The following SPTBN1 variants were observed in gnomAD, a reference collection of about 807,000 sequenced individuals.
SPTBN1 encodes spectrin beta, non-erythrocytic 1.
SPTBN1 carries 32 observed loss-of-function variants against 266.4 expected under a neutral mutation model. The observed-to-expected ratio is 0.12, with a 90% confidence interval of 0.09 to 0.16. The LOEUF is 0.16. Ranked by LOEUF, SPTBN1 falls within the 10% of genes least tolerant of loss-of-function variation. SPTBN1 has a pLI of 1.00. For missense variants in SPTBN1, 2,296 were observed against 3,067.1 expected (o/e 0.75, Z 5.94); for synonymous variants, 1,336 against 1,162.2 (o/e 1.15, Z -3.04).
At chr2:54,591,776 A>G (rs533702924) in intron 2 of SPTBN1, among the ~76,000 whole-genome samples, 2 of 152,306 alleles carry the variant, frequency 1.3e-5, no homozygotes, top group East Asian at 3.9e-4. Context: ...AATCATTTCC[A>G]TCATGCAGTG....
At chr2:54,486,987 T>G (rs1668431390) in intron 1 of SPTBN1, among the ~76,000 whole-genome samples, 1 of 152,126 alleles carries the variant, frequency 6.6e-6, no homozygotes, top group Admixed American at 6.5e-5. Flanking sequence ...CAAACGGCGC[T>G]GAGGACCAGT....
chr2:54,643,634 C>T (rs2104036578), intron 19 of SPTBN1, among the ~76,000 whole-genome samples: 1 of 152,208 alleles, frequency 6.6e-6, no homozygotes, highest in East Asian at 1.9e-4. Context: ...TCCCCCCCTT[C>T]CCCCCGACTT....
intron 2 of SPTBN1, chr2:54,529,603 C>T (rs1802889): frequency 0.7 from 498,225 of 712,730 alleles, 174,835 homozygotes; most frequent in African/African-American, 0.89. Context: ...CTGAGTTTGC[C>T]ATGAAGAAGA....
At chr2:54,582,100 G>A (rs1378340404) in intron 2 of SPTBN1, among the ~76,000 whole-genome samples, 1 of 152,142 alleles carries the variant, frequency 6.6e-6, no homozygotes, top group East Asian at 1.9e-4. Flanking sequence ...AAAGCCTTCA[G>A]CTGACACTGA....
At position 54,667,618 on chromosome 2, in the gene SPTBN1, A is replaced by G. The variant is rs879195142; in HGVS notation, c.6848A>G (p.Asn2283Ser). The G allele has an allele frequency of 1.7e-5, 27 of 1,613,882 alleles. No homozygotes were observed. The highest frequency in any genetic ancestry group is 2.7e-5 in the African/African-American group (2 of 74,922). The change falls in exon 35 of 36, where the codon AAT (asparagine) becomes AGT (serine). Residue 2283 changes from asparagine to serine, a missense_variant. Transcript: ENST00000356805. ...TGAAATTACAGACTAAATGATGGCA[A>G]TGAGTACCTCTTCCAAGCCAAAGAC... Reference protein sequence around the residue: ...HVFKLRLNDGNEYLFQAKDDE... With the variant: ...HVFKLRLNDGSEYLFQAKDDE...
chr2:54,474,818 C>G (rs558781216), intron 1 of SPTBN1, among the ~76,000 whole-genome samples: 1 of 152,068 alleles, frequency 6.6e-6, no homozygotes, highest in African/African-American at 2.4e-5. Context: ...TTTGTATTTT[C>G]TGCTGTTCTA....
chr2:54,632,704 C>T lies in SPTBN1; in HGVS notation c.3703C>T (p.Leu1235=). The change falls in exon 17 of 36, where the codon CTG becomes TTG. Residue 1235 remains leucine (L), a synonymous_variant. Transcript: ENST00000356805. ...TGCTGTGGTGGAGACTGGCCGGAGG[C>T]TGGTGAGCGATGGGAACATCAACTC... ...INAVVETGRR[L]VSDGNINSDR... 6.2e-7 allele frequency: 1 copy of T among 1,614,214 alleles called. No individual in the cohort carries two copies. The highest frequency in any genetic ancestry group is 1.1e-5 in the South Asian group (1 of 91,088).
intron 2 of SPTBN1, among the ~76,000 whole-genome samples, chr2:54,564,731 G>A (rs1346155717): frequency 6.6e-6 from 1 of 152,166 alleles, no homozygotes; most frequent in East Asian, 1.9e-4. Flanking sequence ...CATTCCAGGA[G>A]GTTGGGGAGG....
At position 54,512,186 on chromosome 2, in the gene SPTBN1, G is replaced by C. The variant is rs535392775; in HGVS notation, c.-47-14186G>C. Among the ~76,000 whole-genome samples the C allele has an allele frequency of 3.3e-5, 5 of 152,368 alleles. No individual in the cohort carries two copies. The South Asian group carries it at 8.3e-4, about 25-fold the overall frequency. ...GCTTGTCCGCTGCTCACCTTCTGCT[G>C]TGTGGCCTCGGGGTTGGGGACCCCT... On this transcript the variant is annotated intron_variant, in intron 1 of 35. Coordinates refer to ENST00000356805, the MANE Select transcript of SPTBN1 (RefSeq NM_003128.3).
At chr2:54,659,326 G>C in intron 31 of SPTBN1, 60 bp downstream of exon 31, 2 of 1,542,820 alleles carry the variant, frequency 1.3e-6, no homozygotes, top group Non-Finnish European at 1.8e-6. Flanking sequence ...GAGGTTTATG[G>C]GGCATCTTTC....
At position 54,670,800 on chromosome 2, in the gene SPTBN1, A is replaced by G. The variant is rs1221254323; in HGVS notation, c.*2231A>G. ...GGTGGTATTTGCTCTCTCTTGGTGC[A>G]TTTGATAAGGATCCACTGAGGCCTG... On this transcript the variant is annotated 3_prime_UTR_variant, in exon 36 of 36. Transcript: ENST00000356805. 3 of 398,482 alleles carry G rather than the reference A, an allele frequency of 7.5e-6. No individual in the cohort carries two copies. The highest frequency in any genetic ancestry group is 6.2e-5 in the African/African-American group (3 of 48,606). 24.7% of individuals were successfully genotyped at this position (398,482 alleles called of 1,614,324 possible). A position where few individuals can be genotyped will look rare whatever the true frequency, so the allele number is the denominator to read the frequency against.
At chr2:54,521,838 T>A (rs1453849847) in intron 1 of SPTBN1, among the ~76,000 whole-genome samples, 3 of 152,124 alleles carry the variant, frequency 2.0e-5, no homozygotes, top group African/African-American at 4.8e-5. Context: ...TTTATTTATT[T>A]ATTTTGTACA....
rs1023407329 is a variant in SPTBN1 at position 54,558,594 on chromosome 2, C to G, written c.148+32028C>G. 5.1e-6 allele frequency: 7 copies of G among 1,378,078 alleles called. No homozygotes were observed. In the African/African-American group the frequency reaches 9.0e-5, roughly 18 times the overall value. 85.4% of individuals were successfully genotyped at this position (1,378,078 alleles called of 1,614,324 possible). On this transcript the variant is annotated intron_variant, in intron 2 of 35. Transcript: ENST00000356805. The surrounding 1 kb of genome is among the most constrained non-coding windows in gnomAD (Gnocchi z 4.6). ...TAGATGCCTGTGTGGTAACTCCTCG[C>G]GGAGCTAAGGTGGACTCTCTTGCAG... is the stretch of plus-strand genomic sequence containing the variant.
chr2:54,591,541 C>G (rs1558876090), intron 2 of SPTBN1, among the ~76,000 whole-genome samples: 1 of 152,202 alleles, frequency 6.6e-6, no homozygotes, highest in Non-Finnish European at 1.5e-5. Flanking sequence ...AAGATTCCTT[C>G]TCTTAAGCCA....
rs1670815518 is a variant in SPTBN1 at position 54,526,376 on chromosome 2, C to G, written c.-43C>G. The G allele has an allele frequency of 6.2e-7, 1 of 1,607,740 alleles. No homozygotes were observed. The highest frequency in any genetic ancestry group is 8.5e-7 in the Non-Finnish European group (1 of 1,176,644). On this transcript the variant is annotated 5_prime_UTR_variant, in exon 2 of 36. Transcript: ENST00000356805. ...TTTTCCTTTTCTTTCTCATAGAACT[C>G]TAAGAAGGAGCTGATGTGGAGGAGC...
intron 1 of SPTBN1, among the ~76,000 whole-genome samples, chr2:54,468,781 A>T (rs1003566623): frequency 1.3e-5 from 2 of 152,248 alleles, no homozygotes; most frequent in Non-Finnish European, 2.9e-5. Context: ...TCTGAAGGGA[A>T]TTCCCATCAC....
intron 1 of SPTBN1, among the ~76,000 whole-genome samples, chr2:54,461,757 C>G (rs2103795146): frequency 6.6e-6 from 1 of 152,204 alleles, no homozygotes; most frequent in South Asian, 2.1e-4. Flanking sequence ...AGTCTTTTAC[C>G]CATTTATCTT....
At chr2:54,562,696 T>TGTGTGTGTGTGTGTG (rs1673390172) in intron 2 of SPTBN1, among the ~76,000 whole-genome samples, 1 of 122,598 alleles carries the variant, frequency 8.2e-6, no homozygotes, top group African/African-American at 3.6e-5. Context: ...AAACCCTGCT[T>TGTGTGTGTGTGTGTG]TGTGTGTGTG....
chr2:54,624,693 C>T (rs547316321), intron 10 of SPTBN1, 111 bp from the exon 11 acceptor site: 10 of 1,472,044 alleles, frequency 6.8e-6, no homozygotes, highest in Non-Finnish European at 8.2e-6. Context: ...ATTTCCCATT[C>T]AAGCTGTCAG....
Sources: gnomAD v4.1 joint callset for allele counts (sites outside exome capture counted in the v4.1 genomes callset) on GRCh38, gnomAD v4.1.1 for gene constraint, Gnocchi (gnomAD v3.1) non-coding constraint, MANE v1.5 for transcripts, NCBI Gene and HGNC (gene_info 2026-07-23, HGNC 2026-07-21) for gene names.